MTUS2: variants seen among roughly 807,000 people sequenced by gnomAD.
MTUS2 encodes microtubule associated scaffold protein 2.
A neutral mutation model predicts 114.1 loss-of-function variants in MTUS2; 40 were observed. The observed-to-expected ratio is 0.35, with a 90% confidence interval of 0.27 to 0.46. The LOEUF is 0.46. Ranked by LOEUF, MTUS2 falls within the 20% of genes least tolerant of loss-of-function variation. The pLI is 1.00. For synonymous variants in MTUS2, 688 were observed against 672.0 expected (o/e 1.02, Z -0.37); for missense variants, 1,679 against 1,705.4 (o/e 0.98, Z 0.27).
intron 2 of MTUS2, among the ~76,000 whole-genome samples, chr13:28,934,559 T>C (rs1404097351): frequency 6.6e-6 from 1 of 152,250 alleles, no homozygotes; most frequent in Non-Finnish European, 1.5e-5. Flanking sequence ...GTTTCACTGT[T>C]GTTGCCCAGG....
chr13:28,895,436 T>TCA (rs1306504077), intron 2 of MTUS2, among the ~76,000 whole-genome samples: 1 of 152,202 alleles, frequency 6.6e-6, no homozygotes, highest in Non-Finnish European at 1.5e-5. Context: ...AAATTATAGT[T>TCA]GAGTATTGTG....
chr13:28,858,373 T>G (rs1159653290), intron 2 of MTUS2, among the ~76,000 whole-genome samples: 1 of 152,200 alleles, frequency 6.6e-6, no homozygotes, highest in Admixed American at 6.5e-5. Flanking sequence ...ACTATATTAA[T>G]TGCATAGCAA....
rs1362107378 is a variant in MTUS2 at position 29,175,882 on chromosome 13, C to T, written c.2644+74912C>T. 1.3e-5 allele frequency among the ~76,000 whole-genome samples: 2 copies of T among 151,582 alleles called. 1 individual carries two copies. Reference sequence around the variant, plus strand: ...ATTTTAAATTTATAATTTATTTAAACATTAAAGTACAACTGTAACAGAGAC... The same window carrying T: ...ATTTTAAATTTATAATTTATTTAAATATTAAAGTACAACTGTAACAGAGAC... On this transcript the variant is annotated intron_variant, in intron 5 of 15. Transcript: ENST00000612955.
chr13:28,969,838 T>C (rs1442256400), intron 2 of MTUS2, among the ~76,000 whole-genome samples: 4 of 152,184 alleles, frequency 2.6e-5, no homozygotes, highest in Non-Finnish European at 5.9e-5. Context: ...TGGAGTGCAA[T>C]GGCACAGTCT....
At chr13:28,925,596 C>T (rs1274503880) in intron 2 of MTUS2, among the ~76,000 whole-genome samples, 1 of 152,152 alleles carries the variant, frequency 6.6e-6, no homozygotes, top group Non-Finnish European at 1.5e-5. Context: ...GTGAGAGAAA[C>T]TCTACCTCAT....
intron 5 of MTUS2, among the ~76,000 whole-genome samples, chr13:29,229,933 A>AC (rs1896257999): frequency 2.0e-5 from 3 of 152,342 alleles, no homozygotes; most frequent in Non-Finnish European, 4.4e-5. Flanking sequence ...CACAATGTAT[A>AC]GCATTCGACT....
chr13:29,092,337 T>A (rs1889993261), intron 4 of MTUS2, among the ~76,000 whole-genome samples: 1 of 152,196 alleles, frequency 6.6e-6, no homozygotes, highest in Non-Finnish European at 1.5e-5. Context: ...TTAGCCTTTT[T>A]TTTGCATACT....
intron 5 of MTUS2, among the ~76,000 whole-genome samples, chr13:29,160,542 C>T (rs767011505): frequency 2.6e-5 from 4 of 151,976 alleles, no homozygotes; most frequent in African/African-American, 9.7e-5. Flanking sequence ...AGGCCGAGGC[C>T]GGCAGATCAT....
At chr13:29,136,743 ATT>A (rs762185192) in intron 5 of MTUS2, among the ~76,000 whole-genome samples, 1 of 152,078 alleles carries the variant, frequency 6.6e-6, no homozygotes, top group African/African-American at 2.4e-5. Context: ...ATTCATATGT[ATT>A]TTTTGTACTG....
chr13:28,928,418 A>G (rs1451756310), intron 2 of MTUS2, among the ~76,000 whole-genome samples: 1 of 152,216 alleles, frequency 6.6e-6, no homozygotes, highest in Non-Finnish European at 1.5e-5. Context: ...CAAAAAACAA[A>G]ATCCAATTAA....
intron 4 of MTUS2, among the ~76,000 whole-genome samples, chr13:29,084,943 A>G (rs1372029588): frequency 6.6e-6 from 1 of 152,158 alleles, no homozygotes; most frequent in Non-Finnish European, 1.5e-5. Flanking sequence ...TGTGATCCCT[A>G]ATGTTGGAGG....
intron 9 of MTUS2, among the ~76,000 whole-genome samples, chr13:29,461,278 C>G (rs1468750238): frequency 6.6e-6 from 1 of 152,150 alleles, no homozygotes; most frequent in African/African-American, 2.4e-5. Context: ...TGACATTAAT[C>G]TATATATGGA....
intron 8 of MTUS2, among the ~76,000 whole-genome samples, chr13:29,413,524 A>C (rs994640523): frequency 8.7e-6 from 1 of 114,818 alleles, no homozygotes; most frequent in African/African-American, 3.4e-5. Flanking sequence ...GGCAACCTAC[A>C]ACATGGGAGA....
chr13:29,111,811 A>G (rs2138865205), intron 5 of MTUS2, among the ~76,000 whole-genome samples: 1 of 152,072 alleles, frequency 6.6e-6, no homozygotes, highest in South Asian at 2.1e-4. Flanking sequence ...TTATATGGTT[A>G]TGTCAGAGGG....
intron 2 of MTUS2, among the ~76,000 whole-genome samples, chr13:29,018,896 C>G (rs1274754804): frequency 6.6e-6 from 1 of 151,866 alleles, no homozygotes; most frequent in South Asian, 2.1e-4. Flanking sequence ...TGGGCAGATA[C>G]AATTTTGTTT....
intron 2 of MTUS2, among the ~76,000 whole-genome samples, chr13:29,008,108 C>G (rs1189569494): frequency 6.6e-6 from 1 of 152,168 alleles, no homozygotes; most frequent in Non-Finnish European, 1.5e-5. Flanking sequence ...TTTCCTCTTT[C>G]TCATTGCTGG....
chr13:28,906,223 T>G (rs1174000600), intron 2 of MTUS2, among the ~76,000 whole-genome samples: 3 of 151,480 alleles, frequency 2.0e-5, no homozygotes, highest in African/African-American at 7.3e-5. Context: ...ATTCATTAAT[T>G]TTTTGAAGTG....
intron 2 of MTUS2, among the ~76,000 whole-genome samples, chr13:28,963,211 C>T (rs1474544537): frequency 6.6e-6 from 1 of 151,876 alleles, no homozygotes. Flanking sequence ...ATTAGCCGGG[C>T]GTGGTGGTGG....
At chr13:29,490,574 C>G (rs1881989026) in intron 11 of MTUS2, among the ~76,000 whole-genome samples, 1 of 152,268 alleles carries the variant, frequency 6.6e-6, no homozygotes, top group African/African-American at 2.4e-5. Flanking sequence ...TGGAATGACA[C>G]TTTTCACGGA....
Sources: gnomAD v4.1 joint callset for allele counts (sites outside exome capture counted in the v4.1 genomes callset) on GRCh38, gnomAD v4.1.1 for gene constraint, MANE v1.5 for transcripts, NCBI Gene and HGNC (gene_info 2026-07-23, HGNC 2026-07-21) for gene names.